The following CAPG variants were observed in gnomAD, a reference collection of about 807,000 sequenced individuals.
CAPG encodes the protein capping actin protein, gelsolin like.
A neutral mutation model predicts 44.6 loss-of-function variants in CAPG; 32 were observed. The observed-to-expected ratio is 0.72, with a 90% CI of 0.54 to 0.96. CAPG has a LOEUF of 0.96. Among genes scored for constraint, CAPG ranks in the 50% least tolerant of loss-of-function variants. CAPG has a pLI of 0.00. For missense variants in CAPG, 412 were observed against 438.3 expected, an observed-to-expected ratio of 0.94 and a Z score of 0.54; for synonymous variants, 175 against 179.6, an observed-to-expected ratio of 0.97 and a Z score of 0.20.
chr2:85,405,258 A>G (rs540292734), intron 1 of CAPG, among the ~76,000 whole-genome samples: 2 of 152,240 alleles, frequency 1.3e-5, no homozygotes, highest in South Asian at 4.1e-4. Context: ...AAAATTCAGA[A>G]AATGCAACAG....
chr2:85,400,824 C>T (rs189868996), intron 5 of CAPG, among the ~76,000 whole-genome samples: 10 of 152,236 alleles, frequency 6.6e-5, no homozygotes, highest in East Asian at 3.9e-4. Flanking sequence ...CTCCCCAGAG[C>T]GAGCTTTTAT....
intron 5 of CAPG, among the ~76,000 whole-genome samples, chr2:85,400,893 C>T (rs1686852439): frequency 6.6e-6 from 1 of 152,176 alleles, no homozygotes; most frequent in Non-Finnish European, 1.5e-5. Flanking sequence ...AGATAAATGA[C>T]TGAATTAATG....
chr2:85,403,886 C>CAAAA (rs36054381), intron 1 of CAPG, among the ~76,000 whole-genome samples: 7 of 69,792 alleles, frequency 1.0e-4, no homozygotes, highest in East Asian at 5.3e-4. Flanking sequence ...GACTCCATCT[C>CAAAA]AAAAAAAAAA....
At chr2:85,399,892 C>T (rs1686801024) in intron 5 of CAPG, among the ~76,000 whole-genome samples, 1 of 152,028 alleles carries the variant, frequency 6.6e-6, no homozygotes, top group South Asian at 2.1e-4. Flanking sequence ...CAGGCATGTG[C>T]CACCAGGCCC....
intron 1 of CAPG, among the ~76,000 whole-genome samples, chr2:85,415,655 A>T (rs1207533455): frequency 6.6e-6 from 1 of 152,146 alleles, no homozygotes; most frequent in East Asian, 1.9e-4. Flanking sequence ...AGGCACTCAA[A>T]AAAATTTTTA....
upstream of CAPG, among the ~76,000 whole-genome samples, chr2:85,412,135 C>T (rs529707544): frequency 3.9e-5 from 6 of 152,064 alleles, no homozygotes; most frequent in Non-Finnish European, 5.9e-5. Context: ...TAGAGCAAGA[C>T]GGGAAGTTAA....
chr2:85,411,828 G>C (rs1205200577), upstream of CAPG, among the ~76,000 whole-genome samples: 1 of 151,994 alleles, frequency 6.6e-6, no homozygotes, highest in Non-Finnish European at 1.5e-5. Context: ...TTGGGAGACT[G>C]AGGCAGGCAG....
intron 1 of CAPG, among the ~76,000 whole-genome samples, chr2:85,407,338 T>C (rs1309027984): frequency 2.0e-5 from 3 of 152,152 alleles, no homozygotes; most frequent in Admixed American, 6.5e-5. Context: ...TTCAAAGTGA[T>C]GGTAGTAGTG....
chr2:85,400,174 C>T (rs974211844), intron 5 of CAPG, among the ~76,000 whole-genome samples: 1 of 152,226 alleles, frequency 6.6e-6, no homozygotes, highest in African/African-American at 2.4e-5. Context: ...TGTGGGCCCA[C>T]TGCTAAAACA....
upstream of CAPG, among the ~76,000 whole-genome samples, chr2:85,412,110 T>G (rs145985806): frequency 3.0e-4 from 45 of 150,744 alleles, no homozygotes; most frequent in East Asian, 8.4e-3. Flanking sequence ...TGAAACGAAA[T>G]TGATAAAATT....
intron 1 of CAPG, among the ~76,000 whole-genome samples, chr2:85,406,426 C>G (rs1687156551): frequency 6.6e-6 from 1 of 152,170 alleles, no homozygotes. Flanking sequence ...CAAAAGAACC[C>G]TGCTAAGGCC....
At chr2:85,393,931 G>A (rs1047223116), downstream of CAPG, among the ~76,000 whole-genome samples, 1 of 152,188 alleles carries the variant, frequency 6.6e-6, no homozygotes, top group African/African-American at 2.4e-5. Context: ...CAGAATTTTT[G>A]TTTTGGGATG....
Position 85,401,194 on chromosome 2 carries a change from C to T in CAPG, c.487G>A (p.Gly163Arg), listed in dbSNP as rs1188079594. The change falls in exon 5 of 10, where the codon GGG becomes AGG. Residue 163 changes from glycine (G) to arginine (R), a missense_variant. Gly to Arg is a moderately radical substitution (Grantham distance 125, BLOSUM62 -2). Coordinates refer to ENST00000263867, the MANE Select transcript of CAPG (RefSeq NM_001747.4). ...RALNWDSFNT[G>R]DCFILDLGQN... ...CCCAGGTCCAGGATGAAGCAGTCCC[C>T]AGTGTTGAAGCTGTCCCAGTTCAGT... 1.2e-6 allele frequency: 2 copies of T among 1,614,178 alleles called. No individual in the cohort carries two copies. The highest frequency in any genetic ancestry group is 1.7e-6 in the Non-Finnish European group (2 of 1,180,020).
chr2:85,414,070 G>A (rs1412995986), upstream of CAPG: 2 of 152,372 alleles, frequency 1.3e-5, no homozygotes, highest in East Asian at 1.9e-4. Context: ...CGCCCCCGGT[G>A]AGTCAGAGGG....
At chr2:85,407,629 C>T (rs1279731914) in intron 1 of CAPG, among the ~76,000 whole-genome samples, 3 of 146,368 alleles carry the variant, frequency 2.0e-5, no homozygotes, top group African/African-American at 5.0e-5. Flanking sequence ...ACAAGAATTG[C>T]TTGAACCTGG....
At chr2:85,399,016 C>T in intron 6 of CAPG, 120 bp downstream of exon 6, 1 of 1,161,052 alleles carries the variant, frequency 8.6e-7, no homozygotes, top group Non-Finnish European at 1.2e-6. Context: ...CAGCCCTAGG[C>T]AGTACACCAG....
chr2:85,395,970 G>T lies in CAPG; in HGVS notation c.893-344C>A. ...GGCCGCAGGTCTCCTTTTCCTCTAG[G>T]ACCCCTCACCTCTTGAATTCATCAA... On this transcript the variant is annotated intron_variant, in intron 8 of 9. Coordinates refer to ENST00000263867, the MANE Select transcript of CAPG (RefSeq NM_001747.4). This position sits in a 1 kb window ranked among gnomAD's most constrained non-coding sequence, Gnocchi z 4.3. 1 of 261,896 alleles carries T rather than the reference G, an allele frequency of 3.8e-6. No individual in the cohort carries two copies. Among genetic ancestry groups the T allele is most frequent in the Admixed American group, 4.8e-5 (1 of 20,844 alleles). The allele number at this position is 261,896 out of a possible 1,614,324, so 16.2% of individuals were successfully genotyped here.
rs777922930 is a variant in CAPG, at chr2:85,401,686, G to C, written c.197-3C>G. 1 of 1,614,110 alleles carries C rather than the reference G, an allele frequency of 6.2e-7. No individual in the cohort carries two copies. The highest frequency in any genetic ancestry group is 1.1e-5 in the South Asian group (1 of 91,070). ...CTCATCCCGGGATGACTGCTGGCCT[G>C]GGACAAGTGGGAGAGGGCAGGGCAA... On this transcript the variant is annotated splice_region_variant and splice_polypyrimidine_tract_variant and intron_variant, in intron 3 of 9. Transcript: ENST00000263867.
upstream of CAPG, among the ~76,000 whole-genome samples, chr2:85,414,663 C>A (rs1253558349): frequency 6.6e-6 from 1 of 151,658 alleles, no homozygotes; most frequent in Non-Finnish European, 1.5e-5. Flanking sequence ...AACTCCTGGG[C>A]TCAAGTGATC....
Sources: gnomAD v4.1 joint callset for allele counts (sites outside exome capture counted in the v4.1 genomes callset) on GRCh38, gnomAD v4.1.1 for gene constraint, Gnocchi (gnomAD v3.1) non-coding constraint, MANE v1.5 for transcripts, NCBI Gene and HGNC (gene_info 2026-07-23, HGNC 2026-07-21) for gene names.